The following MBOAT2 variants were observed in gnomAD, a reference collection of about 807,000 sequenced individuals.
The protein encoded by MBOAT2 is membrane bound glycerophospholipid O-acyltransferase 2, also known as membrane-bound glycerophospholipid O-acyltransferase 2.
MBOAT2 carries 28 observed loss-of-function variants against 63.4 expected under a neutral mutation model. That is an observed-to-expected ratio of 0.44 (90% CI 0.33 to 0.61). MBOAT2 has a LOEUF of 0.61. Among genes scored for constraint, MBOAT2 ranks in the 20% least tolerant of loss-of-function variants. The probability of loss-of-function intolerance (pLI) is 0.03; values close to 1 mark genes in which losing one functional copy is unlikely to be tolerated. For missense variants in MBOAT2, 470 were observed against 605.8 expected (o/e 0.78, Z 2.35); for synonymous variants, 211 against 215.6 (o/e 0.98, Z 0.19).
chr2:8,977,634 T>C (rs1255354698), intron 1 of MBOAT2, among the ~76,000 whole-genome samples: 1 of 152,156 alleles, frequency 6.6e-6, no homozygotes, highest in East Asian at 1.9e-4. Flanking sequence ...GTGAGCTCTA[T>C]GTTGCTGACA....
At chr2:8,964,521 A>AAGCTT (rs1573187510) in intron 1 of MBOAT2, among the ~76,000 whole-genome samples, 1 of 151,312 alleles carries the variant, frequency 6.6e-6, no homozygotes, top group East Asian at 1.9e-4. Flanking sequence ...AACTGAACGT[A>AAGCTT]AGCTTCTGCA....
Position 8,868,545 on chromosome 2 carries a change from A to C in MBOAT2, c.888T>G (p.Asp296Glu). ...PKYYFAWTLA[D>E]AINNAAGFGF... ...CAAAGCCTGCAGCATTATTAATGGC[A>C]TCAGCTATAGAAAACAACATTAGAA... The change falls in exon 9 of 13, where the codon GAT becomes GAG. Residue 296 changes from aspartate (D) to glutamate (E), a missense_variant. Asp to Glu is a conservative substitution (Grantham distance 45). Coordinates refer to ENST00000305997, the MANE Select transcript of MBOAT2 (RefSeq NM_138799.4). The C allele has an allele frequency of 1.2e-6, 2 of 1,612,946 alleles. No homozygotes were observed. The highest frequency in any genetic ancestry group is 1.7e-6 in the Non-Finnish European group (2 of 1,179,354).
intron 5 of MBOAT2, among the ~76,000 whole-genome samples, chr2:8,886,009 G>A (rs961409554): frequency 2.6e-5 from 4 of 152,204 alleles, no homozygotes; most frequent in African/African-American, 9.6e-5. Context: ...TACACCGATA[G>A]GAAATGTCCC....
intron 3 of MBOAT2, among the ~76,000 whole-genome samples, chr2:8,928,866 A>C (rs1386962039): frequency 6.6e-6 from 1 of 152,226 alleles, no homozygotes; most frequent in Non-Finnish European, 1.5e-5. Context: ...TGTTATTACT[A>C]TGAAAATAGT....
At chr2:8,926,903 T>C (rs926274119) in intron 3 of MBOAT2, among the ~76,000 whole-genome samples, 5 of 152,182 alleles carry the variant, frequency 3.3e-5, no homozygotes, top group Non-Finnish European at 7.3e-5. Flanking sequence ...ACCACCCACT[T>C]AGTGCTTACT....
chr2:8,870,846 G>A (rs562546237), intron 8 of MBOAT2, among the ~76,000 whole-genome samples: 75 of 152,206 alleles, frequency 4.9e-4, no homozygotes, highest in African/African-American at 1.8e-3. Flanking sequence ...GGAAGAATCA[G>A]GGAAAAGGAA....
At chr2:8,873,045 T>G (rs1662445452) in intron 8 of MBOAT2, 63 bp downstream of exon 8, 2 of 1,461,998 alleles carry the variant, frequency 1.4e-6, no homozygotes, top group Non-Finnish European at 9.4e-7. Flanking sequence ...CTGATAGCAA[T>G]CTATCGACAA....
intron 4 of MBOAT2, among the ~76,000 whole-genome samples, chr2:8,904,538 T>G (rs1665194873): frequency 6.6e-6 from 1 of 152,092 alleles, no homozygotes; most frequent in Admixed American, 6.6e-5. Flanking sequence ...CTTGAACTCC[T>G]AAGCTCAAGT....
chr2:8,864,164 A>T lies in MBOAT2; in HGVS notation c.1052+6T>A, dbSNP rs372272182. On this transcript the variant is annotated splice_donor_region_variant and intron_variant, in intron 10 of 12. Coordinates refer to ENST00000305997, the MANE Select transcript of MBOAT2 (RefSeq NM_138799.4). ...ACATCTAAAGATCGTTTTTGAAGGA[A>T]CGCACCTTTTGAGCCAAAGAGCTGT... 1.5e-5 allele frequency: 23 copies of T among 1,575,510 alleles called. No individual in the cohort carries two copies. The African/African-American group carries it at 2.8e-4, about 19-fold the overall frequency.
At chr2:8,924,764 A>G (rs1414176210) in intron 3 of MBOAT2, among the ~76,000 whole-genome samples, 1 of 151,982 alleles carries the variant, frequency 6.6e-6, no homozygotes, top group Non-Finnish European at 1.5e-5. Context: ...TCAGTAAGAT[A>G]ATGAAGTCAC....
At chr2:8,859,054 A>G (rs772689084) in intron 12 of MBOAT2, 150 bp from the exon 13 acceptor site, 23 of 650,802 alleles carry the variant, frequency 3.5e-5, no homozygotes, top group Non-Finnish European at 5.9e-5. Context: ...CCTCAGGAGA[A>G]GAAACCTGAC....
In MBOAT2 at chr2:8,972,264, C is replaced by G. The variant is rs973761081; in HGVS notation, c.76-13622G>C. On this transcript the variant is annotated intron_variant, in intron 1 of 12. Coordinates refer to ENST00000305997, the MANE Select transcript of MBOAT2 (RefSeq NM_138799.4). ...ACAAACCTGACAAAAACAAGAAATGCGGAAAGGATTCCCTATTTAATAAAT... is the reference window on the plus strand; with the variant it reads ...ACAAACCTGACAAAAACAAGAAATGGGGAAAGGATTCCCTATTTAATAAAT... Among the ~76,000 whole-genome samples the G allele has an allele frequency of 2.3e-3, 354 of 151,242 alleles. 4 individuals are homozygous for G. Among genetic ancestry groups the G allele is most frequent in the African/African-American group, 8.2e-3 (335 of 40,968 alleles).
At chr2:8,933,824 C>G (rs1326036833) in intron 3 of MBOAT2, among the ~76,000 whole-genome samples, 1 of 152,064 alleles carries the variant, frequency 6.6e-6, no homozygotes, top group Non-Finnish European at 1.5e-5. Context: ...GTCTTATCAA[C>G]CCTCTAATTA....
At chr2:8,975,241 G>A (rs1670734047) in intron 1 of MBOAT2, among the ~76,000 whole-genome samples, 1 of 151,908 alleles carries the variant, frequency 6.6e-6, no homozygotes, top group Non-Finnish European at 1.5e-5. Flanking sequence ...TACTTAATGG[G>A]GTCACTTCTA....
At chr2:8,963,547 C>T (rs1374841155) in intron 1 of MBOAT2, among the ~76,000 whole-genome samples, 1 of 152,160 alleles carries the variant, frequency 6.6e-6, no homozygotes, top group Non-Finnish European at 1.5e-5. Flanking sequence ...AAGTGATCCA[C>T]CCGCCTTGGC....
chr2:8,967,486 G>A (rs186993424), intron 1 of MBOAT2, among the ~76,000 whole-genome samples: 9 of 152,130 alleles, frequency 5.9e-5, no homozygotes, highest in African/African-American at 1.7e-4. Context: ...GGGAAGACTC[G>A]GAATCATAAA....
intron 3 of MBOAT2, among the ~76,000 whole-genome samples, chr2:8,939,651 C>G (rs948040902): frequency 1.1e-4 from 17 of 152,180 alleles, no homozygotes; most frequent in Non-Finnish European, 2.4e-4. Context: ...TCCGTGGCTG[C>G]TTTCCAGAGC....
intron 1 of MBOAT2, among the ~76,000 whole-genome samples, chr2:8,966,576 T>A (rs1053901257): frequency 1.6e-4 from 24 of 152,178 alleles, no homozygotes; most frequent in African/African-American, 5.6e-4. Context: ...AGAGTCCTCA[T>A]CAACCAACCT....
At chr2:8,968,024 G>A (rs372008692) in intron 1 of MBOAT2, among the ~76,000 whole-genome samples, 93 of 152,204 alleles carry the variant, frequency 6.1e-4, no homozygotes, top group South Asian at 5.6e-3. Context: ...GAGCTCTGAA[G>A]AGAGTAGTGG....
Sources: allele counts gnomAD v4.1 joint callset (sites outside exome capture counted in the v4.1 genomes callset), GRCh38; gene constraint gnomAD v4.1.1; transcripts MANE v1.5; gene names NCBI Gene and HGNC (gene_info 2026-07-23, HGNC 2026-07-21).